Variants in ITFG1 observed in about 807,000 individuals in gnomAD.
ITFG1 encodes the protein T-cell immunomodulatory protein.
A neutral mutation model predicts 81.8 loss-of-function variants in ITFG1; 34 were observed. The observed-to-expected ratio is 0.42, with a 90% confidence interval of 0.32 to 0.55. ITFG1 has a LOEUF of 0.55. ITFG1 is among the 20% of genes least tolerant of loss of function. The pLI, the probability that ITFG1 is intolerant of heterozygous loss-of-function variation, is 0.17. For synonymous variants in ITFG1, 285 were observed against 270.6 expected, an observed-to-expected ratio of 1.05 and a Z score of -0.52; for missense variants, 672 against 755.4, an observed-to-expected ratio of 0.89 and a Z score of 1.29.
At chr16:47,382,104 CT>C (rs942915815) in intron 6 of ITFG1, among the ~76,000 whole-genome samples, 1 of 152,144 alleles carries the variant, frequency 6.6e-6, no homozygotes, top group African/African-American at 2.4e-5. Context: ...AAAAATCAAA[CT>C]TTTGAAATAC....
At position 47,166,150 on chromosome 16, in the gene ITFG1, C is replaced by G. The variant is rs552791385; in HGVS notation, c.1454-3486G>C. Among the ~76,000 whole-genome samples the G allele has an allele frequency of 2.6e-4, 39 of 152,288 alleles. No individual in the cohort carries two copies. The South Asian group carries it at 8.1e-3, about 32-fold the overall frequency. ...AAGTCTGAGAAGAAGCATTTATAAT[C>G]TACTGTCACTGAAGCCTGCTACCTG... On this transcript the variant is annotated intron_variant, in intron 14 of 17. Coordinates refer to ENST00000320640, the MANE Select transcript of ITFG1 (RefSeq NM_030790.5).
intron 8 of ITFG1, among the ~76,000 whole-genome samples, chr16:47,340,234 T>G (rs1967763164): frequency 6.6e-6 from 1 of 152,162 alleles, no homozygotes. Context: ...AAAAAATTAT[T>G]GGTAAAAGCA....
intron 8 of ITFG1, among the ~76,000 whole-genome samples, chr16:47,332,844 C>A (rs1056322976): frequency 1.3e-5 from 2 of 152,194 alleles, no homozygotes; most frequent in African/African-American, 4.8e-5. Flanking sequence ...AGGATTTTCA[C>A]GTCAGTCTTT....
At chr16:47,298,156 C>A (rs1967013006) in intron 10 of ITFG1, among the ~76,000 whole-genome samples, 1 of 152,016 alleles carries the variant, frequency 6.6e-6, no homozygotes, top group Non-Finnish European at 1.5e-5. Context: ...TATTTTCTAG[C>A]AGTTCTGGCT....
chr16:47,218,775 A>ATTCTTAATTTATACGTCTTAATTTATAC, intron 14 of ITFG1, 93 bp downstream of exon 14: 3 of 591,364 alleles, frequency 5.1e-6, no homozygotes, highest in Non-Finnish European at 8.6e-6. Flanking sequence ...GTTATTAAGG[A>ATTCTTAATTTATACGTCTTAATTTATAC]GTGTGAAAAC....
chr16:47,459,869 T>C (rs1969503666), intron 1 of ITFG1, among the ~76,000 whole-genome samples: 1 of 152,192 alleles, frequency 6.6e-6, no homozygotes, highest in African/African-American at 2.4e-5. Context: ...GGGAAAATAT[T>C]CAGGGTTTGT....
chr16:47,301,271 G>T (rs554799538), intron 10 of ITFG1, among the ~76,000 whole-genome samples: 1 of 152,176 alleles, frequency 6.6e-6, no homozygotes, highest in Admixed American at 6.5e-5. Context: ...TAGAGAAAAT[G>T]TAAATTAATG....
chr16:47,181,148 A>G (rs1408054215), intron 14 of ITFG1, among the ~76,000 whole-genome samples: 2 of 119,328 alleles, frequency 1.7e-5, no homozygotes, highest in African/African-American at 6.5e-5. Flanking sequence ...CCGCTGCCCC[A>G]CCGCCCCATC....
At chr16:47,367,306 T>C (rs1968189831) in intron 7 of ITFG1, among the ~76,000 whole-genome samples, 1 of 152,224 alleles carries the variant, frequency 6.6e-6, no homozygotes, top group Non-Finnish European at 1.5e-5. Flanking sequence ...GGTTTCATTA[T>C]GTAGGCATGA....
At chr16:47,182,996 G>A (rs975988866) in intron 14 of ITFG1, among the ~76,000 whole-genome samples, 2 of 152,212 alleles carry the variant, frequency 1.3e-5, no homozygotes, top group African/African-American at 4.8e-5. Flanking sequence ...CCTAGTCAAA[G>A]AAAGGGGTGA....
chr16:47,397,570 A>G (rs1968608562), intron 6 of ITFG1, among the ~76,000 whole-genome samples: 1 of 152,184 alleles, frequency 6.6e-6, no homozygotes, highest in Admixed American at 6.5e-5. Flanking sequence ...ATGTCTAAAG[A>G]CATTTTTGGT....
At chr16:47,176,984 G>A (rs565146711) in intron 14 of ITFG1, among the ~76,000 whole-genome samples, 33 of 149,444 alleles carry the variant, frequency 2.2e-4, no homozygotes, top group Non-Finnish European at 3.0e-4. Flanking sequence ...ACAGAGATGG[G>A]GCCTTGCTCT....
At chr16:47,279,915 T>C (rs1966435013) in intron 10 of ITFG1, among the ~76,000 whole-genome samples, 1 of 152,186 alleles carries the variant, frequency 6.6e-6, no homozygotes, top group South Asian at 2.1e-4. Flanking sequence ...TTTCTAGTTG[T>C]TCATTGCTAA....
intron 7 of ITFG1, among the ~76,000 whole-genome samples, chr16:47,367,176 C>T (rs1420614148): frequency 2.6e-5 from 4 of 152,174 alleles, no homozygotes; most frequent in South Asian, 4.1e-4. Context: ...ATGAGTAGGG[C>T]GAGGTACGGA....
chr16:47,332,346 A>G (rs896420592), intron 8 of ITFG1, among the ~76,000 whole-genome samples: 2 of 152,174 alleles, frequency 1.3e-5, no homozygotes, highest in Admixed American at 1.3e-4. Flanking sequence ...AAAATAGGGA[A>G]TCAAATATGA....
chr16:47,441,955 T>C (rs1969257526), intron 5 of ITFG1, among the ~76,000 whole-genome samples: 1 of 152,208 alleles, frequency 6.6e-6, no homozygotes, highest in Admixed American at 6.5e-5. Context: ...CAAAATCTCC[T>C]TAAGCTGATA....
At chr16:47,364,261 T>C (rs1045907399) in intron 8 of ITFG1, among the ~76,000 whole-genome samples, 4 of 152,222 alleles carry the variant, frequency 2.6e-5, no homozygotes, top group African/African-American at 9.6e-5. Context: ...GCAATAGATA[T>C]GTTTCTTAAT....
intron 8 of ITFG1, among the ~76,000 whole-genome samples, chr16:47,336,632 C>A (rs903223610): frequency 2.0e-5 from 3 of 152,140 alleles, no homozygotes; most frequent in African/African-American, 7.2e-5. Flanking sequence ...CATACAACGG[C>A]ATATAAGGCA....
At chr16:47,326,892 A>G (rs531669723) in intron 8 of ITFG1, among the ~76,000 whole-genome samples, 5 of 152,306 alleles carry the variant, frequency 3.3e-5, no homozygotes, top group East Asian at 3.9e-4. Flanking sequence ...GAAAATGGCC[A>G]TAGTGCCCAA....
Sources: allele counts gnomAD v4.1 joint callset (sites outside exome capture counted in the v4.1 genomes callset), GRCh38; gene constraint gnomAD v4.1.1; transcripts MANE v1.5; gene names NCBI Gene and HGNC (gene_info 2026-07-23, HGNC 2026-07-21).